The following SHISA9 variants were observed in gnomAD, a reference collection of about 807,000 sequenced individuals.
SHISA9 encodes the protein shisa family member 9.
SHISA9 carries 13 observed loss-of-function variants against 38.0 expected under a neutral mutation model. That is an observed-to-expected ratio of 0.34 (90% CI 0.22 to 0.54). The LOEUF (loss-of-function observed/expected upper bound fraction) is 0.54. Among genes scored for constraint, SHISA9 ranks in the 20% least tolerant of loss-of-function variants. The pLI is 0.91. For synonymous variants in SHISA9, 275 were observed against 242.0 expected, an observed-to-expected ratio of 1.14 and a Z score of -1.27; for missense variants, 538 against 575.8, an observed-to-expected ratio of 0.93 and a Z score of 0.67.
At chr16:13,447,289 A>AT in the SHISA9 span, among the ~76,000 whole-genome samples, 1 of 152,274 alleles carries the variant, frequency 6.6e-6, no homozygotes, top group South Asian at 2.1e-4. Flanking sequence ...CAGGAACAAC[A>AT]GGGGGGTTCC....
chr16:13,367,576 T>G, the SHISA9 span, among the ~76,000 whole-genome samples: 1 of 150,430 alleles, frequency 6.6e-6, no homozygotes, highest in Non-Finnish European at 1.5e-5. Context: ...ATTACCTAGC[T>G]TCTATTGAAT....
intron 2 of SHISA9, among the ~76,000 whole-genome samples, chr16:12,928,540 C>G (rs1474710727): frequency 3.9e-5 from 6 of 152,184 alleles, no homozygotes; most frequent in African/African-American, 1.4e-4. Context: ...CTTTTCAGTT[C>G]TCCAAGACGG....
chr16:13,011,344 G>C (rs1216029601), intron 2 of SHISA9, among the ~76,000 whole-genome samples: 1 of 122,350 alleles, frequency 8.2e-6, no homozygotes, highest in South Asian at 2.6e-4. Context: ...TTTGGCAAGA[G>C]CAGCTACAAT....
the SHISA9 span, among the ~76,000 whole-genome samples, chr16:13,471,988 T>C: frequency 2.0e-5 from 3 of 152,210 alleles, no homozygotes; most frequent in African/African-American, 4.8e-5. Context: ...AAGCTCTACA[T>C]GGAAGTGTCT....
intron 2 of SHISA9, among the ~76,000 whole-genome samples, chr16:13,145,045 G>A (rs753308211): frequency 7.2e-5 from 11 of 152,096 alleles, no homozygotes; most frequent in Non-Finnish European, 1.3e-4. Flanking sequence ...ATGTTTCTTC[G>A]ACCCTATTGT....
chr16:13,358,046 G>T, the SHISA9 span, among the ~76,000 whole-genome samples: 1 of 152,126 alleles, frequency 6.6e-6, no homozygotes, highest in African/African-American at 2.4e-5. Context: ...CTTGGCTTGG[G>T]CTTAGAGGCC....
intron 2 of SHISA9, among the ~76,000 whole-genome samples, chr16:13,025,070 T>C (rs1341320711): frequency 6.6e-6 from 1 of 152,166 alleles, no homozygotes; most frequent in Non-Finnish European, 1.5e-5. Flanking sequence ...TCCTCTTGGA[T>C]TTTTTTCTGA....
At chr16:13,321,047 T>C in the SHISA9 span, among the ~76,000 whole-genome samples, 1 of 152,222 alleles carries the variant, frequency 6.6e-6, no homozygotes, top group Non-Finnish European at 1.5e-5. Context: ...AATTTTTGAC[T>C]TTATCTAAAT....
chr16:13,130,660 C>G (rs1160400609), intron 2 of SHISA9, among the ~76,000 whole-genome samples: 1 of 152,136 alleles, frequency 6.6e-6, no homozygotes, highest in Non-Finnish European at 1.5e-5. Context: ...TGAAATACAT[C>G]TACACTAGAA....
At chr16:13,491,654 A>AT in the SHISA9 span, among the ~76,000 whole-genome samples, 3 of 150,990 alleles carry the variant, frequency 2.0e-5, no homozygotes, top group Non-Finnish European at 4.4e-5. Context: ...GGCCTGGTTC[A>AT]TTTTTTTGTA....
At chr16:13,395,949 C>G in the SHISA9 span, among the ~76,000 whole-genome samples, 12 of 152,122 alleles carry the variant, frequency 7.9e-5, no homozygotes, top group Admixed American at 2.6e-4. Context: ...AGAGCTAGAT[C>G]TTTTTCATTA....
intron 2 of SHISA9, among the ~76,000 whole-genome samples, chr16:13,155,807 C>T (rs1350893389): frequency 6.6e-6 from 1 of 152,082 alleles, no homozygotes; most frequent in Non-Finnish European, 1.5e-5. Context: ...CCCCCTCTCC[C>T]CCTACCCCTA....
At chr16:13,306,274 C>A in the SHISA9 span, among the ~76,000 whole-genome samples, 2 of 152,128 alleles carry the variant, frequency 1.3e-5, no homozygotes, top group Non-Finnish European at 2.9e-5. Context: ...TCAAAGATGA[C>A]TGGATTTTGT....
At chr16:12,979,383 G>T (rs1354014898) in intron 2 of SHISA9, among the ~76,000 whole-genome samples, 1 of 151,364 alleles carries the variant, frequency 6.6e-6, no homozygotes, top group Non-Finnish European at 1.5e-5. Context: ...ATCGTTCCAT[G>T]CAGGACTTGC....
chr16:13,329,088 A>C, the SHISA9 span, among the ~76,000 whole-genome samples: 191 of 152,214 alleles, frequency 1.3e-3, no homozygotes, highest in African/African-American at 4.0e-3. Flanking sequence ...ATGTACAGGA[A>C]GGAGAAGACA....
At chr16:12,904,361 G>A (rs2071064981) in intron 1 of SHISA9, among the ~76,000 whole-genome samples, 1 of 152,172 alleles carries the variant, frequency 6.6e-6, no homozygotes, top group Non-Finnish European at 1.5e-5. Context: ...CTCCTTGATG[G>A]TTGGCCTGAC....
At chr16:13,026,704 C>T (rs1435917168) in intron 2 of SHISA9, among the ~76,000 whole-genome samples, 1 of 152,212 alleles carries the variant, frequency 6.6e-6, no homozygotes, top group Non-Finnish European at 1.5e-5. Flanking sequence ...GTTCTGACCT[C>T]CTCAAGCCCT....
At chr16:13,442,454 TGCACCACCACACTTG>T in the SHISA9 span, among the ~76,000 whole-genome samples, 2 of 152,128 alleles carry the variant, frequency 1.3e-5, no homozygotes, top group East Asian at 3.9e-4. Flanking sequence ...ATTACAGGTA[TGCACCACCACACTTG>T]GCTAATTTTT....
intron 2 of SHISA9, among the ~76,000 whole-genome samples, chr16:12,970,303 A>T (rs1387329945): frequency 7.5e-6 from 1 of 133,948 alleles, no homozygotes; most frequent in Non-Finnish European, 1.6e-5. Flanking sequence ...GTGGACCCCT[A>T]TCTCTCACTA....
Sources: allele counts gnomAD v4.1 joint callset (sites outside exome capture counted in the v4.1 genomes callset), GRCh38; gene constraint gnomAD v4.1.1; transcripts MANE v1.5; gene names NCBI Gene and HGNC (gene_info 2026-07-23, HGNC 2026-07-21).